Variants in CSMD1 observed in about 807,000 individuals in gnomAD.
The protein encoded by CSMD1 is CUB and Sushi multiple domains 1, also known as CUB and sushi domain-containing protein 1.
In CSMD1, 213 loss-of-function variants were observed where a neutral mutation model predicts 417.5. That is an observed-to-expected ratio of 0.51 (90% CI 0.46 to 0.57). The LOEUF (loss-of-function observed/expected upper bound fraction) is 0.57. CSMD1 is among the 20% of genes least tolerant of loss of function. The probability of loss-of-function intolerance (pLI) is 0.00; values close to 1 mark genes in which losing one functional copy is unlikely to be tolerated. For synonymous variants in CSMD1, 2,862 were observed against 1,736.8 expected (o/e 1.65, Z -16.11); for missense variants, 6,923 against 4,529.7 (o/e 1.53, Z -15.17).
intron 1 of CSMD1, among the ~76,000 whole-genome samples, chr8:4,680,587 G>A (rs1805976286): frequency 6.6e-6 from 1 of 151,648 alleles, no homozygotes; most frequent in African/African-American, 2.4e-5. Context: ...GATAGTTTTT[G>A]TGTTTGTTTT....
intron 5 of CSMD1, among the ~76,000 whole-genome samples, chr8:3,937,006 G>C (rs980581661): frequency 1.3e-5 from 2 of 152,160 alleles, no homozygotes; most frequent in African/African-American, 4.8e-5. Context: ...TGACTTTGTT[G>C]GGTTAAAGGT....
intron 5 of CSMD1, among the ~76,000 whole-genome samples, chr8:3,915,961 A>G (rs1808794093): frequency 6.6e-6 from 1 of 151,412 alleles, no homozygotes; most frequent in Non-Finnish European, 1.5e-5. Context: ...AGGTAAACGG[A>G]CTGGAAGCAT....
At chr8:4,399,935 G>C (rs1010156902) in intron 3 of CSMD1, among the ~76,000 whole-genome samples, 5 of 152,086 alleles carry the variant, frequency 3.3e-5, no homozygotes, top group Non-Finnish European at 7.4e-5. Context: ...TTTTTCTCCA[G>C]ACCTCATCTA....
chr8:4,933,963 C>T (rs57262984), intron 1 of CSMD1, among the ~76,000 whole-genome samples: 2 of 151,946 alleles, frequency 1.3e-5, no homozygotes, highest in Non-Finnish European at 2.9e-5. Context: ...TTTGCCCACA[C>T]AGTCACTCTC....
intron 4 of CSMD1, among the ~76,000 whole-genome samples, chr8:4,030,590 G>A (rs965785581): frequency 6.6e-6 from 1 of 152,182 alleles, no homozygotes; most frequent in African/African-American, 2.4e-5. Flanking sequence ...TAGACCTCCA[G>A]GCCTGTGATG....
intron 52 of CSMD1, among the ~76,000 whole-genome samples, chr8:3,008,289 G>C (rs1012761105): frequency 6.6e-6 from 1 of 152,188 alleles, no homozygotes; most frequent in Non-Finnish European, 1.5e-5. Flanking sequence ...AATTCCCTTT[G>C]TGAGGTCAGT....
chr8:4,533,210 T>G (rs1179755198), intron 2 of CSMD1, among the ~76,000 whole-genome samples: 1 of 152,214 alleles, frequency 6.6e-6, no homozygotes, highest in Non-Finnish European at 1.5e-5. Context: ...TACTACATTT[T>G]AAACATGTAA....
At chr8:3,485,831 A>ATAAAC (rs1818002230) in intron 11 of CSMD1, among the ~76,000 whole-genome samples, 1 of 148,180 alleles carries the variant, frequency 6.7e-6, no homozygotes, top group Non-Finnish European at 1.5e-5. Context: ...ATAAAATAAA[A>ATAAAC]TAAAACAGGA....
At chr8:3,620,982 A>G (rs953600521) in intron 7 of CSMD1, among the ~76,000 whole-genome samples, 1 of 152,162 alleles carries the variant, frequency 6.6e-6, no homozygotes, top group African/African-American at 2.4e-5. Context: ...TTAAAGTGTC[A>G]TCCTTAAGGT....
chr8:3,172,001 A>G (rs755802934), intron 37 of CSMD1, among the ~76,000 whole-genome samples: 1 of 152,188 alleles, frequency 6.6e-6, no homozygotes, highest in African/African-American at 2.4e-5. Flanking sequence ...ATGATATTAT[A>G]TTTAATGAAA....
chr8:3,951,388 A>C (rs915610343), intron 5 of CSMD1, among the ~76,000 whole-genome samples: 1 of 152,218 alleles, frequency 6.6e-6, no homozygotes, highest in African/African-American at 2.4e-5. Flanking sequence ...TAATTAAATG[A>C]ATGCAAAAGG....
chr8:4,064,427 G>T (rs1799137656), intron 3 of CSMD1, among the ~76,000 whole-genome samples: 2 of 152,190 alleles, frequency 1.3e-5, no homozygotes, highest in African/African-American at 4.8e-5. Context: ...GTAAGCTTCT[G>T]CGGGCTTTGC....
At chr8:3,608,587 C>T (rs1272639024) in intron 8 of CSMD1, among the ~76,000 whole-genome samples, 1 of 151,998 alleles carries the variant, frequency 6.6e-6, no homozygotes, top group Middle Eastern at 3.4e-3. Flanking sequence ...CATAGTGAAA[C>T]CCCGTCTCTA....
rs553289588 is a variant in CSMD1, at chr8:3,261,022, A to C, written c.4153+23122T>G. On this transcript the variant is annotated intron_variant, in intron 26 of 69. Transcript: ENST00000635120. ...CAACAACAAACAAATACCAAAAAAA[A>C]CCTTTCACTGTAGAGGAAACACAGG... Among the ~76,000 whole-genome samples, 5 of 152,262 alleles carry C rather than the reference A, an allele frequency of 3.3e-5. No individual in the cohort carries two copies. In the South Asian group the frequency reaches 1.0e-3, roughly 32 times the overall value.
At chr8:4,530,737 G>A (rs1796770312) in intron 2 of CSMD1, among the ~76,000 whole-genome samples, 1 of 150,942 alleles carries the variant, frequency 6.6e-6, no homozygotes, top group Admixed American at 6.7e-5. Context: ...TCTTTATCTA[G>A]TATATCACTG....
At chr8:3,269,048 CTAA>C (rs1435498956) in intron 26 of CSMD1, among the ~76,000 whole-genome samples, 1 of 152,176 alleles carries the variant, frequency 6.6e-6, no homozygotes, top group African/African-American at 2.4e-5. Context: ...ATCAATCTCG[CTAA>C]TGTTAGAGAA....
chr8:4,216,550 C>T (rs531735893), intron 3 of CSMD1, among the ~76,000 whole-genome samples: 8 of 152,238 alleles, frequency 5.3e-5, no homozygotes, highest in South Asian at 2.1e-4. Context: ...TCAAAGAACC[C>T]GGCCTGAGTC....
At chr8:3,307,672 TG>T (rs1044959591) in intron 25 of CSMD1, 22 bp downstream of exon 25, 10 of 1,609,836 alleles carry the variant, frequency 6.2e-6, no homozygotes, top group African/African-American at 1.3e-5. Flanking sequence ...CTCAAATCAC[TG>T]AAACCAAAAT....
At chr8:3,956,703 G>A (rs937625024) in intron 5 of CSMD1, among the ~76,000 whole-genome samples, 1 of 152,032 alleles carries the variant, frequency 6.6e-6, no homozygotes, top group Non-Finnish European at 1.5e-5. Context: ...ACCTATATTT[G>A]AAACCCTACT....
Sources: allele counts gnomAD v4.1 joint callset (sites outside exome capture counted in the v4.1 genomes callset), GRCh38; gene constraint gnomAD v4.1.1; transcripts MANE v1.5; gene names NCBI Gene and HGNC (gene_info 2026-07-23, HGNC 2026-07-21).